EYA1: variants seen among roughly 807,000 people sequenced by gnomAD.
EYA1 encodes protein phosphatase EYA1.
EYA1 carries 16 observed loss-of-function variants against 82.0 expected under a neutral mutation model. That is an observed-to-expected ratio of 0.20 (90% CI 0.13 to 0.30). EYA1 has a LOEUF of 0.30. EYA1 is among the 10% of genes least tolerant of loss of function. The pLI, the probability that EYA1 is intolerant of heterozygous loss-of-function variation, is 1.00. For synonymous variants in EYA1, 261 were observed against 264.4 expected (o/e 0.99, Z 0.12); for missense variants, 633 against 730.7 (o/e 0.87, Z 1.54).
chr8:71,457,690 T>A (rs1689534138), intron 2 of EYA1, among the ~76,000 whole-genome samples: 1 of 152,078 alleles, frequency 6.6e-6, no homozygotes, highest in African/African-American at 2.4e-5. Flanking sequence ...ATGTTCTCAC[T>A]CATAGGTGGG....
chr8:71,534,941 G>C (rs1277868069), intron 2 of EYA1, among the ~76,000 whole-genome samples: 1 of 144,552 alleles, frequency 6.9e-6, no homozygotes, highest in Non-Finnish European at 1.5e-5. Flanking sequence ...TGTGAATAAA[G>C]CTGAGCTATG....
intron 1 of EYA1, among the ~76,000 whole-genome samples, chr8:71,537,351 T>C (rs893009900): frequency 3.9e-5 from 6 of 152,210 alleles, no homozygotes; most frequent in Admixed American, 1.3e-4. Context: ...TTATTTTGAA[T>C]TGTACTCAAC....
chr8:71,346,817 T>C (rs558546204), intron 3 of EYA1, among the ~76,000 whole-genome samples: 1 of 152,274 alleles, frequency 6.6e-6, no homozygotes, highest in East Asian at 1.9e-4. Flanking sequence ...AGGCTCTAGA[T>C]ACTTATTGAA....
chr8:71,201,227 T>TAA (rs112569504), intron 17 of EYA1, among the ~76,000 whole-genome samples: 14 of 139,260 alleles, frequency 1.0e-4, no homozygotes, highest in African/African-American at 3.7e-4. Flanking sequence ...TTGTACTAGT[T>TAA]AAAAAAAAAA....
intron 2 of EYA1, among the ~76,000 whole-genome samples, chr8:71,451,629 A>AC (rs1360758273): frequency 6.6e-6 from 1 of 152,170 alleles, no homozygotes; most frequent in Non-Finnish European, 1.5e-5. Flanking sequence ...CTTTACCTTT[A>AC]CCACAGAAGG....
chr8:71,486,142 T>C (rs1009563082), intron 2 of EYA1, among the ~76,000 whole-genome samples: 1 of 152,174 alleles, frequency 6.6e-6, no homozygotes, highest in Admixed American at 6.5e-5. Context: ...GGCATAGCAC[T>C]ATCAGACTAG....
chr8:71,411,839 G>T (rs969923745), intron 2 of EYA1, among the ~76,000 whole-genome samples: 4 of 146,970 alleles, frequency 2.7e-5, no homozygotes, highest in Admixed American at 2.7e-4. Context: ...CAGGGATCTA[G>T]AACTAGAAAT....
intron 2 of EYA1, among the ~76,000 whole-genome samples, chr8:71,422,869 G>A (rs1362346469): frequency 6.6e-6 from 1 of 152,092 alleles, no homozygotes; most frequent in Non-Finnish European, 1.5e-5. Flanking sequence ...TGGGGATTAT[G>A]GGATCAACAA....
intron 9 of EYA1, among the ~76,000 whole-genome samples, chr8:71,292,225 T>TG: frequency 6.6e-6 from 1 of 152,230 alleles, no homozygotes; most frequent in South Asian, 2.1e-4. Context: ...GATGATAACT[T>TG]ACTCTATACC....
rs148767998 is a variant in EYA1, at chr8:71,237,145, G to A, written c.1140+7458C>T. Among the ~76,000 whole-genome samples, 1,414 of 151,668 alleles carry A rather than the reference G, an allele frequency of 9.3e-3. 16 individuals are homozygous for A. The highest frequency in any genetic ancestry group is 0.033 in the African/African-American group (1,351 of 41,328). ...CGGCTTACTGCAACCTCCGCCTCCCGGGTTCAAGGGATTCTCCTGCCTCAG... is the reference window on the plus strand; with the variant it reads ...CGGCTTACTGCAACCTCCGCCTCCCAGGTTCAAGGGATTCTCCTGCCTCAG... On this transcript the variant is annotated intron_variant, in intron 12 of 17. Coordinates refer to ENST00000340726, the MANE Select transcript of EYA1 (RefSeq NM_000503.6).
intron 2 of EYA1, among the ~76,000 whole-genome samples, chr8:71,507,206 A>G (rs1341515785): frequency 6.6e-6 from 1 of 152,180 alleles, no homozygotes; most frequent in Non-Finnish European, 1.5e-5. Flanking sequence ...ATACACCAGG[A>G]CATTAGAGAC....
chr8:71,265,988 C>T (rs537638177), intron 11 of EYA1, among the ~76,000 whole-genome samples: 4 of 152,296 alleles, frequency 2.6e-5, no homozygotes, highest in African/African-American at 7.2e-5. Context: ...TAGGATTACA[C>T]GGAAGGTGGG....
At chr8:71,219,879 CTTT>C (rs940172964) in intron 12 of EYA1, among the ~76,000 whole-genome samples, 2 of 152,120 alleles carry the variant, frequency 1.3e-5, no homozygotes, top group Non-Finnish European at 2.9e-5. Context: ...ATCTATCTAG[CTTT>C]TTGTCTTCCT....
intron 2 of EYA1, among the ~76,000 whole-genome samples, chr8:71,535,510 G>C (rs1586904528): frequency 6.6e-6 from 1 of 152,142 alleles, no homozygotes; most frequent in African/African-American, 2.4e-5. Context: ...TAAAGGTTAG[G>C]TTTTTCCAGT....
At chr8:71,347,550 C>T (rs1825863813) in intron 3 of EYA1, among the ~76,000 whole-genome samples, 1 of 152,090 alleles carries the variant, frequency 6.6e-6, no homozygotes, top group African/African-American at 2.4e-5. Context: ...TCTCGATCTC[C>T]TGACCTTGTG....
At chr8:71,278,157 T>C (rs1817415095) in intron 9 of EYA1, among the ~76,000 whole-genome samples, 1 of 152,052 alleles carries the variant, frequency 6.6e-6, no homozygotes, top group South Asian at 2.1e-4. Flanking sequence ...AAAATTCTAT[T>C]ACCTGTGGAT....
At chr8:71,503,144 A>G (rs1811937700) in intron 2 of EYA1, among the ~76,000 whole-genome samples, 1 of 152,164 alleles carries the variant, frequency 6.6e-6, no homozygotes, top group Non-Finnish European at 1.5e-5. Flanking sequence ...CTTTCACTAA[A>G]TACTTAATAA....
chr8:71,519,794 C>T lies in EYA1; in HGVS notation c.33+15950G>A, dbSNP rs115229424. On this transcript the variant is annotated intron_variant, in intron 2 of 18. Coordinates refer to the EYA1 transcript ENST00000643681. The stretch of plus-strand genomic sequence containing the variant: ...GCCTTCTTAGGCCATTTTGGTGTCC[C>T]TCTATGGTTGGCCTAGAAGGGATCG... Among the ~76,000 whole-genome samples, 827 of 152,250 alleles carry T rather than the reference C, an allele frequency of 5.4e-3. 11 individuals are homozygous for T. The highest frequency in any genetic ancestry group is 0.019 in the African/African-American group (776 of 41,536).
intron 2 of EYA1, among the ~76,000 whole-genome samples, chr8:71,524,346 G>A (rs562377346): frequency 7.9e-5 from 12 of 152,162 alleles, no homozygotes; most frequent in African/African-American, 2.9e-4. Flanking sequence ...AAAGTAAAAC[G>A]TGTACTAGGT....
Sources: allele counts gnomAD v4.1 joint callset (sites outside exome capture counted in the v4.1 genomes callset), GRCh38; gene constraint gnomAD v4.1.1; transcripts MANE v1.5; gene names NCBI Gene and HGNC (gene_info 2026-07-23, HGNC 2026-07-21).